PRELID2: variants seen among roughly 807,000 people sequenced by gnomAD.
The protein encoded by PRELID2 is PRELI domain containing 2, also known as PRELI domain-containing protein 2.
Under a neutral mutation model 28.4 loss-of-function variants are expected in PRELID2, and 25 were observed. That is an observed-to-expected ratio of 0.88 (90% CI 0.64 to 1.23). The LOEUF is 1.23. Among genes scored for constraint, PRELID2 ranks in the 50% most tolerant of loss-of-function variants. The pLI is 0.00. For missense variants in PRELID2, 201 were observed against 214.4 expected, an observed-to-expected ratio of 0.94 and a Z score of 0.39; for synonymous variants, 76 against 71.6, an observed-to-expected ratio of 1.06 and a Z score of -0.31.
At chr5:145,415,180 T>G in the PRELID2 span, among the ~76,000 whole-genome samples, 1 of 152,206 alleles carries the variant, frequency 6.6e-6, no homozygotes, top group Admixed American at 6.5e-5. Context: ...AAAAATTTAC[T>G]CATAACACAC....
rs377452182 is a variant in PRELID2, at chr5:145,772,552, T to C, written c.475-7552A>G. 2.9e-4 allele frequency among the ~76,000 whole-genome samples: 44 copies of C among 152,314 alleles called. No individual in the cohort carries two copies. The East Asian group carries it at 8.1e-3, about 28-fold the overall frequency. ...GTTATAACATGGCAGAAGGCACCAC[T>C]TGGCAAGAGGGTATGTACAAGAAAC... On this transcript the variant is annotated intron_variant, in intron 5 of 6. Coordinates refer to ENST00000683046, the MANE Select transcript of PRELID2 (RefSeq NM_205846.3).
At chr5:145,358,179 G>A in the PRELID2 span, among the ~76,000 whole-genome samples, 2 of 152,202 alleles carry the variant, frequency 1.3e-5, no homozygotes, top group South Asian at 2.1e-4. Flanking sequence ...GGGAACACAG[G>A]GTTGTGCCTG....
intron 1 of PRELID2, among the ~76,000 whole-genome samples, chr5:145,745,900 C>G (rs1413994241): frequency 6.6e-6 from 1 of 152,004 alleles, no homozygotes; most frequent in East Asian, 1.9e-4. Context: ...TCCAGAATTT[C>G]ATATCCAGCC....
chr5:145,296,846 A>G, the PRELID2 span, among the ~76,000 whole-genome samples: 10 of 152,294 alleles, frequency 6.6e-5, no homozygotes, highest in South Asian at 2.1e-3. Context: ...CATCCTCTCC[A>G]GCACCAGTTG....
intron 1 of PRELID2, among the ~76,000 whole-genome samples, chr5:145,709,882 T>C (rs1222248922): frequency 6.6e-6 from 1 of 152,206 alleles, no homozygotes; most frequent in Admixed American, 6.5e-5. Context: ...GATCTTGCAA[T>C]AAAACTTCTG....
intron 3 of PRELID2, among the ~76,000 whole-genome samples, chr5:145,818,861 T>C (rs1754558747): frequency 6.6e-6 from 1 of 152,182 alleles, no homozygotes; most frequent in African/African-American, 2.4e-5. Flanking sequence ...ACATCTGATA[T>C]GGTTTGGCTG....
chr5:145,619,081 G>T (rs1412748799), intron 1 of PRELID2, among the ~76,000 whole-genome samples: 1 of 152,124 alleles, frequency 6.6e-6, no homozygotes, highest in Non-Finnish European at 1.5e-5. Context: ...GGCAAGCAGG[G>T]CTGAGAACTT....
chr5:145,395,044 G>T, the PRELID2 span, among the ~76,000 whole-genome samples: 1 of 151,998 alleles, frequency 6.6e-6, no homozygotes, highest in Non-Finnish European at 1.5e-5. Context: ...AGAGATGGCT[G>T]CAATGTACTA....
the PRELID2 span, among the ~76,000 whole-genome samples, chr5:145,372,415 GT>G: frequency 3.3e-5 from 5 of 151,236 alleles, no homozygotes; most frequent in Admixed American, 2.0e-4. Flanking sequence ...GAATATCCTT[GT>G]TAATTTTCTG....
chr5:145,427,690 T>A, the PRELID2 span, among the ~76,000 whole-genome samples: 1 of 144,056 alleles, frequency 6.9e-6, no homozygotes, highest in Non-Finnish European at 1.6e-5. Context: ...ATGAAAACAA[T>A]CGCACCATTA....
chr5:145,445,325 T>C, the PRELID2 span, among the ~76,000 whole-genome samples: 1 of 152,024 alleles, frequency 6.6e-6, no homozygotes, highest in African/African-American at 2.4e-5. Flanking sequence ...TGGCTATTCA[T>C]ATGCAGAAGA....
intron 1 of PRELID2, among the ~76,000 whole-genome samples, chr5:145,598,956 C>T (rs1054919500): frequency 6.6e-5 from 10 of 152,210 alleles, no homozygotes; most frequent in Middle Eastern, 3.4e-3. Flanking sequence ...AACATACCAA[C>T]CATATATTTC....
the PRELID2 span, among the ~76,000 whole-genome samples, chr5:145,455,444 T>A: frequency 6.6e-6 from 1 of 152,226 alleles, no homozygotes; most frequent in Non-Finnish European, 1.5e-5. Flanking sequence ...TTTGGTTCCA[T>A]ATGAAATTTA....
At chr5:145,630,382 C>A (rs1753915875) in intron 1 of PRELID2, among the ~76,000 whole-genome samples, 1 of 151,868 alleles carries the variant, frequency 6.6e-6, no homozygotes, top group South Asian at 2.1e-4. Flanking sequence ...TTAATGTATA[C>A]CTTTTTGTGC....
At chr5:145,508,120 G>A (rs992776317) in intron 1 of PRELID2, among the ~76,000 whole-genome samples, 1 of 152,078 alleles carries the variant, frequency 6.6e-6, no homozygotes, top group African/African-American at 2.4e-5. Flanking sequence ...AGTCACTCTT[G>A]TTTAGCGATA....
the PRELID2 span, among the ~76,000 whole-genome samples, chr5:145,447,867 A>C: frequency 6.8e-6 from 1 of 147,340 alleles, no homozygotes; most frequent in African/African-American, 2.5e-5. Flanking sequence ...AATCCAGTCT[A>C]TCATTGTTGG....
At chr5:145,454,896 T>A in the PRELID2 span, among the ~76,000 whole-genome samples, 11 of 152,310 alleles carry the variant, frequency 7.2e-5, no homozygotes, top group African/African-American at 2.6e-4. Context: ...GTCAGATGGA[T>A]AGATTGCAAA....
At chr5:145,351,457 G>T in the PRELID2 span, among the ~76,000 whole-genome samples, 1 of 152,078 alleles carries the variant, frequency 6.6e-6, no homozygotes, top group Non-Finnish European at 1.5e-5. Context: ...ACTATCACAA[G>T]AACAGCATGG....
intron 1 of PRELID2, among the ~76,000 whole-genome samples, chr5:145,509,125 A>G (rs932664623): frequency 2.0e-5 from 3 of 152,182 alleles, no homozygotes; most frequent in Non-Finnish European, 4.4e-5. Flanking sequence ...AATGAAGTGC[A>G]TGTCACAGGA....
Sources: allele counts gnomAD v4.1 joint callset (sites outside exome capture counted in the v4.1 genomes callset), GRCh38; gene constraint gnomAD v4.1.1; transcripts MANE v1.5; gene names NCBI Gene and HGNC (gene_info 2026-07-23, HGNC 2026-07-21).